DPP6: variants seen among roughly 807,000 people sequenced by gnomAD.
DPP6 encodes dipeptidyl peptidase like 6.
In DPP6, 69 loss-of-function variants were observed where a neutral mutation model predicts 122.6. The observed-to-expected ratio is 0.56, with a 90% CI of 0.46 to 0.69. The LOEUF is 0.69. DPP6 is among the 30% of genes least tolerant of loss of function. The pLI is 0.00. For synonymous variants in DPP6, 418 were observed against 433.1 expected (o/e 0.97, Z 0.43); for missense variants, 928 against 1,116.9 (o/e 0.83, Z 2.41).
At chr7:154,176,554 C>A (rs1287920077) in intron 1 of DPP6, among the ~76,000 whole-genome samples, 1 of 152,236 alleles carries the variant, frequency 6.6e-6, no homozygotes, top group Non-Finnish European at 1.5e-5. Context: ...TGTGTTTTCA[C>A]TATATGTGTC....
chr7:154,200,811 C>T (rs191300583), intron 1 of DPP6, among the ~76,000 whole-genome samples: 49 of 152,244 alleles, frequency 3.2e-4, no homozygotes, highest in Non-Finnish European at 6.0e-4. Flanking sequence ...AAGTTAGCCC[C>T]GCCTGGACAC....
At chr7:153,927,268 G>A (rs980096459) in intron 1 of DPP6, among the ~76,000 whole-genome samples, 5 of 152,180 alleles carry the variant, frequency 3.3e-5, no homozygotes, top group African/African-American at 9.7e-5. Flanking sequence ...AGCTGTGGTC[G>A]TGCCACTGCA....
At chr7:154,862,565 C>T (rs1803499676) in intron 17 of DPP6, among the ~76,000 whole-genome samples, 1 of 152,222 alleles carries the variant, frequency 6.6e-6, no homozygotes, top group Admixed American at 6.5e-5. Context: ...GGTGCTTCTT[C>T]CTCTCTACTA....
chr7:153,930,108 G>C (rs572406291), intron 1 of DPP6, among the ~76,000 whole-genome samples: 1 of 152,160 alleles, frequency 6.6e-6, no homozygotes, highest in African/African-American at 2.4e-5. Flanking sequence ...AGTTAACTGG[G>C]TATTAATGGA....
rs1030948243 is a variant in DPP6 at position 154,755,585 on chromosome 7, G to A, written c.884-13832G>A. Among the ~76,000 whole-genome samples the A allele has an allele frequency of 1.3e-5, 2 of 152,182 alleles. No homozygotes were observed. Among genetic ancestry groups the A allele is most frequent in the South Asian group, 2.1e-4 (1 of 4,834 alleles). ...TAACCCATCTACGCAGTTAGAGCCG[G>A]CTTGGCGTGTGCTGGGTGCTCACCG... is the stretch of plus-strand genomic sequence containing the variant. On this transcript the variant is annotated intron_variant, in intron 8 of 25. Coordinates refer to ENST00000377770, the MANE Select transcript of DPP6 (RefSeq NM_130797.4). This position sits in a 1 kb window ranked among gnomAD's most constrained non-coding sequence, Gnocchi z 4.7.
intron 4 of DPP6, among the ~76,000 whole-genome samples, chr7:154,553,541 C>T (rs907216913): frequency 6.6e-6 from 1 of 152,154 alleles, no homozygotes; most frequent in Admixed American, 6.5e-5. Flanking sequence ...TCCTTAGGAA[C>T]TCTGTGAGCT....
chr7:154,480,625 G>A (rs145880581), intron 3 of DPP6, among the ~76,000 whole-genome samples: 7 of 152,066 alleles, frequency 4.6e-5, no homozygotes, highest in Non-Finnish European at 1.0e-4. Context: ...ATGGCTGCAC[G>A]CCCTCCCTTG....
intron 1 of DPP6, among the ~76,000 whole-genome samples, chr7:154,216,408 A>G (rs1328669923): frequency 6.6e-6 from 1 of 152,214 alleles, no homozygotes; most frequent in Non-Finnish European, 1.5e-5. Context: ...CCATCATAAC[A>G]TAGGGATTTG....
At chr7:154,412,957 C>A (rs1365255133) in intron 1 of DPP6, among the ~76,000 whole-genome samples, 1 of 152,240 alleles carries the variant, frequency 6.6e-6, no homozygotes, top group Non-Finnish European at 1.5e-5. Context: ...TAGGGAAATA[C>A]CTTGTGTTGC....
chr7:154,776,199 T>TAGATAGATAGATAGATA (rs1554463870), intron 10 of DPP6, among the ~76,000 whole-genome samples: 2 of 148,442 alleles, frequency 1.3e-5, no homozygotes, highest in African/African-American at 5.0e-5. Context: ...CCATGATAGA[T>TAGATAGATAGATAGATA]GATAGATAGA....
At chr7:154,519,839 C>T (rs1399582858) in intron 3 of DPP6, among the ~76,000 whole-genome samples, 2 of 152,168 alleles carry the variant, frequency 1.3e-5, no homozygotes, top group Non-Finnish European at 2.9e-5. Flanking sequence ...AATGTGTGGT[C>T]AAAAGGTGTA....
At chr7:154,399,675 C>T (rs1815399434) in intron 1 of DPP6, among the ~76,000 whole-genome samples, 1 of 151,988 alleles carries the variant, frequency 6.6e-6, no homozygotes, top group Non-Finnish European at 1.5e-5. Context: ...TCTGTCTCTG[C>T]ACGTAAATTA....
chr7:154,148,198 T>C (rs146830599), intron 1 of DPP6, among the ~76,000 whole-genome samples: 5,601 of 126,020 alleles, frequency 0.044, 305 homozygotes, highest in African/African-American at 0.16. Context: ...GCCTGGGGAG[T>C]AATGGGAGGT....
rs1355106005 is a variant in DPP6, at chr7:154,081,453, A to G, written c.243+28390A>G. On this transcript the variant is annotated intron_variant, in intron 1 of 25. Coordinates refer to ENST00000377770, the MANE Select transcript of DPP6 (RefSeq NM_130797.4). The stretch of plus-strand genomic sequence containing the variant: ...TTAATGATGCTAAAACAACAGACAT[A>G]CACTACCAGAATGCTCCTAGCAAAA... 1.3e-4 allele frequency among the ~76,000 whole-genome samples: 16 copies of G among 125,198 alleles called. 1 individual carries two copies. Among genetic ancestry groups the G allele is most frequent in the Non-Finnish European group, 2.9e-4 (16 of 56,080 alleles). 82.1% of individuals were successfully genotyped at this position (125,198 alleles called of 152,430 possible).
intron 1 of DPP6, among the ~76,000 whole-genome samples, chr7:154,056,906 T>G (rs1458144621): frequency 6.6e-6 from 1 of 152,256 alleles, no homozygotes; most frequent in African/African-American, 2.4e-5. Flanking sequence ...TTTTTAAGTT[T>G]CACATGATTT....
chr7:154,564,725 A>G (rs1412497170), intron 4 of DPP6, among the ~76,000 whole-genome samples: 1 of 152,206 alleles, frequency 6.6e-6, no homozygotes, highest in African/African-American at 2.4e-5. Context: ...TATATTTCCA[A>G]ATTCAACCAT....
intron 6 of DPP6, among the ~76,000 whole-genome samples, chr7:154,650,478 C>T (rs139514572): frequency 2.8e-4 from 43 of 152,268 alleles, no homozygotes; most frequent in African/African-American, 9.9e-4. Flanking sequence ...ATCCTGGTGA[C>T]GTGGCCTAAC....
intron 8 of DPP6, among the ~76,000 whole-genome samples, chr7:154,732,837 C>A (rs978731152): frequency 2.0e-5 from 3 of 152,208 alleles, no homozygotes; most frequent in African/African-American, 7.2e-5. Context: ...TTAGATGAGA[C>A]TCTCGAAGCT....
At chr7:154,061,315 T>C (rs1227264515) in intron 1 of DPP6, among the ~76,000 whole-genome samples, 1 of 148,308 alleles carries the variant, frequency 6.7e-6, no homozygotes, top group Non-Finnish European at 1.5e-5. Flanking sequence ...GCCCCAGCCC[T>C]GGGGCTACCC....
Sources: gnomAD v4.1 joint callset for allele counts (sites outside exome capture counted in the v4.1 genomes callset) on GRCh38, gnomAD v4.1.1 for gene constraint, Gnocchi (gnomAD v3.1) non-coding constraint, MANE v1.5 for transcripts, NCBI Gene and HGNC (gene_info 2026-07-23, HGNC 2026-07-21) for gene names.